The following ZNF845 variants were observed in gnomAD, a reference collection of about 807,000 sequenced individuals.
The protein encoded by ZNF845 is zinc finger protein 845.
In ZNF845, 59 loss-of-function variants were observed where a neutral mutation model predicts 76.1. The observed-to-expected ratio is 0.78, with a 90% CI of 0.63 to 0.96. ZNF845 has a LOEUF of 0.96. Ranked by LOEUF, ZNF845 falls within the 40% of genes least tolerant of loss-of-function variation. The pLI, the probability that ZNF845 is intolerant of heterozygous loss-of-function variation, is 0.00. For missense variants in ZNF845, 1,045 were observed against 1,172.8 expected (o/e 0.89, Z 1.59); for synonymous variants, 361 against 386.9 (o/e 0.93, Z 0.78).
At chr19:53,347,941 G>A (rs1000518687) in intron 3 of ZNF845, among the ~76,000 whole-genome samples, 5 of 152,188 alleles carry the variant, frequency 3.3e-5, no homozygotes, top group Non-Finnish European at 5.9e-5. Flanking sequence ...TGTAATCCCA[G>A]TTCTTTGGGA....
chr19:53,343,334 T>A (rs1342773016), intron 2 of ZNF845, among the ~76,000 whole-genome samples: 4 of 152,220 alleles, frequency 2.6e-5, no homozygotes, highest in Non-Finnish European at 4.4e-5. Flanking sequence ...GACCTGTGTG[T>A]TCTTTGCAAT....
At chr19:53,337,928 T>C (rs2085227315) in intron 1 of ZNF845, among the ~76,000 whole-genome samples, 1 of 152,116 alleles carries the variant, frequency 6.6e-6, no homozygotes, top group Non-Finnish European at 1.5e-5. Context: ...CTCAAACTCA[T>C]GACCTCAGGT....
intron 2 of ZNF845, 93 bp downstream of exon 2, chr19:53,341,415 C>G: frequency 1.3e-6 from 2 of 1,569,906 alleles, no homozygotes; most frequent in South Asian, 2.2e-5. Flanking sequence ...CTGAAGCATC[C>G]TGCCTGACAG....
chr19:53,352,579 A>G lies in ZNF845; in HGVS notation c.1904A>G (p.Tyr635Cys). 1 of 1,611,774 alleles carries G rather than the reference A, an allele frequency of 6.2e-7. No individual in the cohort carries two copies. Among genetic ancestry groups the G allele is most frequent in the East Asian group, 2.2e-5 (1 of 44,776 alleles). ...CGAACTCATAGTGGAGAGAAACCTT[A>G]CAAATGTGAAGAATGTGATGAAGCT... is the stretch of plus-strand genomic sequence containing the variant. ...HWRTHSGEKPYKCEECDEAFS... is the reference protein window; with the variant it reads ...HWRTHSGEKPCKCEECDEAFS... Residue 635 changes from tyrosine (Y) to cysteine (C), a missense_variant, in exon 4 of 4, where the codon TAC becomes TGC. By Grantham distance (194) the Tyr-to-Cys change is radical. Coordinates refer to ENST00000458035, the MANE Select transcript of ZNF845 (RefSeq NM_138374.3).
chr19:53,341,692 A>G (rs888392822), intron 2 of ZNF845, among the ~76,000 whole-genome samples: 1 of 152,196 alleles, frequency 6.6e-6, no homozygotes, highest in African/African-American at 2.4e-5. Context: ...GAAGTCATGT[A>G]TTCATGTGCA....
rs142305739 is a variant in ZNF845, at chr19:53,335,731, T to C, written c.-74+1939T>C. Among the ~76,000 whole-genome samples, 805 of 152,280 alleles carry C rather than the reference T, an allele frequency of 5.3e-3. 1 individual carries two copies. The highest frequency in any genetic ancestry group is 7.3e-3 in the Non-Finnish European group (494 of 68,024). On this transcript the variant is annotated intron_variant, in intron 1 of 3. Transcript: ENST00000458035. Reference sequence around the variant, plus strand: ...GATTCTACTGCCTCAGCCTCCCAAGTAGCTGGGATTACAGGCATGAGCCAC... The same window carrying C: ...GATTCTACTGCCTCAGCCTCCCAAGCAGCTGGGATTACAGGCATGAGCCAC...
Position 53,352,636 on chromosome 19 carries a change from G to A in ZNF845, c.1961G>A (p.Arg654Lys), listed in dbSNP as rs544310124. The A allele has an allele frequency of 5.0e-6, 8 of 1,613,710 alleles. No homozygotes were observed. The East Asian group carries it at 8.9e-5, about 18-fold the overall frequency. ...TTCAAATCAAACCTTCAAAGACATA[G>A]GAGAATTCATACTGGAGAGAAACCT... ...FSFKSNLQRH[R>K]RIHTGEKPYR... Residue 654 changes from arginine to lysine, a missense_variant, in exon 4 of 4, where the codon AGG becomes AAG. By Grantham distance (26) the Arg-to-Lys change is conservative (BLOSUM62 2). Transcript: ENST00000458035.
In ZNF845 at chr19:53,352,516, A is replaced by T. The variant is rs556108155; in HGVS notation, c.1841A>T (p.Lys614Ile). 6.2e-7 allele frequency: 1 copy of T among 1,608,360 alleles called. No homozygotes were observed. The highest frequency in any genetic ancestry group is 1.1e-5 in the South Asian group (1 of 90,568). ...ERSYKCNRCG[K>I]FFRHRSYLAV... ...TCGTACAAGTGTAATAGATGTGGCA[A>T]ATTTTTCAGACATCGTTCATACCTT... is the stretch of plus-strand genomic sequence containing the variant. The change falls in exon 4 of 4, where the codon AAA becomes ATA. Residue 614 changes from lysine to isoleucine, a missense_variant. Physicochemically the swap from Lys to Ile is moderately radical, Grantham distance 102 (BLOSUM62 -3). Coordinates refer to ENST00000458035, the MANE Select transcript of ZNF845 (RefSeq NM_138374.3).
Position 53,344,573 on chromosome 19 carries a change from G to A in ZNF845, c.16-933G>A, listed in dbSNP as rs551551823. 2.9e-3 allele frequency among the ~76,000 whole-genome samples: 380 copies of A among 130,632 alleles called. 6 individuals carry two copies. The highest frequency in any genetic ancestry group is 9.4e-3 in the African/African-American group (362 of 38,386). The allele number at this position is 130,632 out of a possible 152,430, so 85.7% of individuals were successfully genotyped here. On this transcript the variant is annotated intron_variant, in intron 2 of 3. Transcript: ENST00000458035. ...AAAAAGTTTCTAACATTTCTGTAAC[G>A]AGAACCCTACATTGATTTTTATTTT...
In ZNF845 at chr19:53,353,341, G is replaced by C; in HGVS notation, c.2666G>C (p.Cys889Ser). ...RLHTGEKPYKCNKCGKVFNQQ... is the reference protein window; with the variant it reads ...RLHTGEKPYKSNKCGKVFNQQ... ...CATACTGGAGAGAAACCTTACAAGT[G>C]TAATAAATGTGGTAAGGTTTTTAAT... Residue 889 changes from cysteine to serine, a missense_variant, in exon 4 of 4, where the codon TGT (cysteine) becomes TCT (serine). By Grantham distance (112) the Cys-to-Ser change is moderately radical. Coordinates refer to ENST00000458035, the MANE Select transcript of ZNF845 (RefSeq NM_138374.3). 6.2e-7 allele frequency: 1 copy of C among 1,613,196 alleles called. No homozygotes were observed. Among genetic ancestry groups the C allele is most frequent in the Admixed American group, 1.7e-5 (1 of 59,932 alleles).
intron 1 of ZNF845, among the ~76,000 whole-genome samples, chr19:53,338,736 CCACA>C (rs201611740): frequency 0.021 from 3,111 of 150,912 alleles, 114 homozygotes; most frequent in African/African-American, 0.072. Flanking sequence ...ACACACACTC[CCACA>C]CACACAGTCA....
intron 1 of ZNF845, among the ~76,000 whole-genome samples, chr19:53,337,972 A>T (rs1472037739): frequency 2.6e-5 from 4 of 152,068 alleles, no homozygotes; most frequent in Admixed American, 2.6e-4. Flanking sequence ...GTGTGCTGGG[A>T]TTACAGGCAA....
chr19:53,353,301 C>T lies in ZNF845; in HGVS notation c.2626C>T (p.Arg876Cys), dbSNP rs988049871. 18 of 1,612,458 alleles carry T rather than the reference C, an allele frequency of 1.1e-5. No homozygotes were observed. Among genetic ancestry groups the T allele is most frequent in the Admixed American group, 5.0e-5 (3 of 59,868 alleles). ...KVFNRKANLS[R>C]HHRLHTGEKP... Reference sequence around the variant, plus strand: ...TTTTAATAGAAAAGCAAACCTTTCACGTCATCATAGACTTCATACTGGAGA... The same window carrying T: ...TTTTAATAGAAAAGCAAACCTTTCATGTCATCATAGACTTCATACTGGAGA... The change falls in exon 4 of 4, where the codon CGT (arginine) becomes TGT (cysteine). Residue 876 changes from arginine to cysteine, a missense_variant. Transcript: ENST00000458035.
rs2085378689 is a variant in ZNF845, at chr19:53,355,418, TA to T, written c.*1831del. The T allele has an allele frequency of 1.3e-5, 2 of 152,048 alleles. No individual in the cohort carries two copies. Among genetic ancestry groups the T allele is most frequent in the African/African-American group, 2.4e-5 (1 of 41,488 alleles). The allele number at this position is 152,048 out of a possible 1,614,324, so 9.4% of individuals were successfully genotyped here. On this transcript the variant is annotated 3_prime_UTR_variant, in exon 4 of 4. Transcript: ENST00000458035. ...TGTCACCACACCTAGCTAATTTATTTATTTTTTTTATTTTAGTAAAGACGGG... is the reference window on the plus strand; with the variant it reads ...TGTCACCACACCTAGCTAATTTATTTTTTTTTTTATTTTAGTAAAGACGGG...
chr19:53,353,751 C>A lies in ZNF845; in HGVS notation c.*163C>A. ...ACTAGAAGTCACACTGGAGAGAAAC[C>A]TTACAAGTGTACTGAGTGTGGCAAA... On this transcript the variant is annotated 3_prime_UTR_variant, in exon 4 of 4. Transcript: ENST00000458035. The A allele has an allele frequency of 6.6e-7, 1 of 1,525,862 alleles. No homozygotes were observed. The highest frequency in any genetic ancestry group is 8.8e-7 in the Non-Finnish European group (1 of 1,141,342). The allele number at this position is 1,525,862 out of a possible 1,614,324, so 94.5% of individuals were successfully genotyped here. A position where few individuals can be genotyped will look rare whatever the true frequency, so the allele number is the denominator to read the frequency against.
chr19:53,341,362 T>C (rs777734350), intron 2 of ZNF845, 40 bp downstream of exon 2: 8 of 1,613,008 alleles, frequency 5.0e-6, no homozygotes, highest in Non-Finnish European at 6.8e-6. Context: ...GTCTCCTTCC[T>C]CTCAGAAATC....
chr19:53,346,651 A>T (rs1220325103), intron 3 of ZNF845, among the ~76,000 whole-genome samples: 1 of 152,206 alleles, frequency 6.6e-6, no homozygotes, highest in African/African-American at 2.4e-5. Flanking sequence ...ACTGCACTAG[A>T]GTCTGAGAGA....
chr19:53,345,375 G>A, intron 2 of ZNF845, 131 bp from the exon 3 acceptor site: 1 of 1,542,400 alleles, frequency 6.5e-7, no homozygotes. Context: ...ATGTGGTGAA[G>A]AATCCCTTAC....
At chr19:53,347,889 T>C (rs2085307761) in intron 3 of ZNF845, among the ~76,000 whole-genome samples, 1 of 152,014 alleles carries the variant, frequency 6.6e-6, no homozygotes, top group Non-Finnish European at 1.5e-5. Flanking sequence ...TGAAATCTAC[T>C]AAATACAAAA....
Sources: gnomAD v4.1 joint callset for allele counts (sites outside exome capture counted in the v4.1 genomes callset) on GRCh38, gnomAD v4.1.1 for gene constraint, MANE v1.5 for transcripts, NCBI Gene and HGNC (gene_info 2026-07-23, HGNC 2026-07-21) for gene names.